Variants in KLHL29 observed in about 807,000 individuals in gnomAD.
The protein encoded by KLHL29 is kelch like family member 29.
Under a neutral mutation model 80.4 loss-of-function variants are expected in KLHL29, and 21 were observed. That is an observed-to-expected ratio of 0.26 (90% confidence interval 0.19 to 0.38). The LOEUF (loss-of-function observed/expected upper bound fraction) is 0.38. Among genes scored for constraint, KLHL29 ranks in the 10% least tolerant of loss-of-function variants. KLHL29 has a pLI of 1.00. For synonymous variants in KLHL29, 511 were observed against 526.8 expected, an observed-to-expected ratio of 0.97 and a Z score of 0.41; for missense variants, 867 against 1,223.9, an observed-to-expected ratio of 0.71 and a Z score of 4.35.
At chr2:23,620,799 G>A (rs1396124455) in intron 3 of KLHL29, among the ~76,000 whole-genome samples, 6 of 152,216 alleles carry the variant, frequency 3.9e-5, no homozygotes, top group East Asian at 1.9e-4. Flanking sequence ...TCCAGAACCC[G>A]GATAAACATC....
At chr2:23,693,990 C>G (rs774539803) in intron 8 of KLHL29, among the ~76,000 whole-genome samples, 1 of 152,162 alleles carries the variant, frequency 6.6e-6, no homozygotes, top group Non-Finnish European at 1.5e-5. Flanking sequence ...CCATTGAGCC[C>G]CAGAGAAAGG....
chr2:23,391,980 G>A (rs1397392324), intron 1 of KLHL29, among the ~76,000 whole-genome samples: 2 of 152,210 alleles, frequency 1.3e-5, no homozygotes, highest in Non-Finnish European at 2.9e-5. Flanking sequence ...TGTCCACGTT[G>A]AAGTCCCGTC....
At chr2:23,559,366 A>G (rs1156426407) in intron 2 of KLHL29, among the ~76,000 whole-genome samples, 1 of 152,192 alleles carries the variant, frequency 6.6e-6, no homozygotes. Flanking sequence ...TGTCATGATC[A>G]TATTTGCCCT....
chr2:23,535,282 G>A (rs1666626780), intron 2 of KLHL29, among the ~76,000 whole-genome samples: 3 of 152,168 alleles, frequency 2.0e-5, no homozygotes, highest in Admixed American at 2.0e-4. Context: ...TCCTGAGCTA[G>A]GACTCCACAC....
At chr2:23,599,105 A>G (rs979387633) in intron 3 of KLHL29, among the ~76,000 whole-genome samples, 14 of 152,236 alleles carry the variant, frequency 9.2e-5, no homozygotes, top group African/African-American at 3.4e-4. Context: ...GAAATAGAGA[A>G]TGGTAGGTTT....
chr2:23,585,518 G>A (rs1267389866), intron 3 of KLHL29, among the ~76,000 whole-genome samples: 3 of 152,186 alleles, frequency 2.0e-5, no homozygotes, highest in African/African-American at 7.2e-5. Context: ...CGAGAAGAGG[G>A]GAGGCTCAGA....
chr2:23,500,698 C>T (rs1211428793), intron 2 of KLHL29, among the ~76,000 whole-genome samples: 1 of 152,146 alleles, frequency 6.6e-6, no homozygotes, highest in Non-Finnish European at 1.5e-5. Context: ...TATAAAAAAA[C>T]TGGACTATTT....
intron 1 of KLHL29, among the ~76,000 whole-genome samples, chr2:23,407,670 C>G (rs1426727224): frequency 2.6e-5 from 4 of 151,910 alleles, no homozygotes; most frequent in Non-Finnish European, 4.4e-5. Context: ...GCTTAGAAAG[C>G]CCTTCCCCAT....
At position 23,693,398 on chromosome 2, in the gene KLHL29, A is replaced by G; in HGVS notation, c.1412A>G (p.Glu471Gly). 1 of 1,551,724 alleles carries G rather than the reference A, an allele frequency of 6.4e-7. No homozygotes were observed. The highest frequency in any genetic ancestry group is 8.7e-7 in the Non-Finnish European group (1 of 1,146,978). Reference sequence around the variant, plus strand: ...TTCCCCGAGGTGGCCGCCCAGGAGGAGATCCTCAGCATCTCCAAGGACGAC... The same window carrying G: ...TTCCCCGAGGTGGCCGCCCAGGAGGGGATCCTCAGCATCTCCAAGGACGAC... ...QIFPEVAAQE[E>G]ILSISKDDFI... The change falls in exon 8 of 14, where the codon GAG becomes GGG. Residue 471 changes from glutamate to glycine, a missense_variant. Coordinates refer to ENST00000486442, the MANE Select transcript of KLHL29 (RefSeq NM_052920.2).
chr2:23,515,293 C>T (rs1239012775), intron 2 of KLHL29, among the ~76,000 whole-genome samples: 1 of 152,166 alleles, frequency 6.6e-6, no homozygotes, highest in Non-Finnish European at 1.5e-5. Flanking sequence ...CTCTGACCCC[C>T]ACTCCCACAA....
intron 3 of KLHL29, among the ~76,000 whole-genome samples, chr2:23,636,081 A>T (rs1057106446): frequency 6.6e-6 from 1 of 152,286 alleles, no homozygotes; most frequent in East Asian, 1.9e-4. Flanking sequence ...GGCCCTGAAC[A>T]TGGTCCCCTA....
intron 5 of KLHL29, among the ~76,000 whole-genome samples, chr2:23,678,310 TG>T (rs1454821504): frequency 2.0e-4 from 31 of 152,258 alleles, no homozygotes; most frequent in African/African-American, 7.0e-4. Flanking sequence ...TTAGAACCAA[TG>T]GGGTTTGAGA....
chr2:23,596,471 C>T lies in KLHL29; in HGVS notation c.285+33990C>T, dbSNP rs1040566260. ...CTCACGTTGGAGCAGAACAGAGTCA[C>T]TAGGAGGCTCGCTGTGATTTATCAG... On this transcript the variant is annotated intron_variant, in intron 3 of 13. Transcript: ENST00000486442. This position sits in a 1 kb window ranked among gnomAD's most constrained non-coding sequence, Gnocchi z 4.4. Among the ~76,000 whole-genome samples, 1 of 152,168 alleles carries T rather than the reference C, an allele frequency of 6.6e-6. No individual in the cohort carries two copies. The highest frequency in any genetic ancestry group is 1.5e-5 in the Non-Finnish European group (1 of 68,030).
intron 3 of KLHL29, chr2:23,617,058 C>T (rs1210316161): frequency 6.6e-6 from 1 of 152,164 alleles, no homozygotes; most frequent in Non-Finnish European, 1.5e-5. Context: ...TTTTATTTAC[C>T]AAAGGTAAAT....
chr2:23,671,140 G>C (rs143769337), intron 5 of KLHL29, among the ~76,000 whole-genome samples: 2 of 151,366 alleles, frequency 1.3e-5, no homozygotes, highest in Admixed American at 1.3e-4. Context: ...CTTTACCTAG[G>C]TAACTAAACT....
intron 3 of KLHL29, among the ~76,000 whole-genome samples, chr2:23,570,607 G>C (rs561305501): frequency 1.6e-4 from 24 of 152,268 alleles, no homozygotes; most frequent in Admixed American, 1.4e-3. Flanking sequence ...GCTCTTGCCC[G>C]GCCCAGTTGG....
At chr2:23,456,384 T>TAG (rs1664051137) in intron 1 of KLHL29, among the ~76,000 whole-genome samples, 1 of 152,242 alleles carries the variant, frequency 6.6e-6, no homozygotes, top group South Asian at 2.1e-4. Context: ...TGAGTGCTTG[T>TAG]AGAGCTGTGC....
intron 2 of KLHL29, among the ~76,000 whole-genome samples, chr2:23,479,126 G>A (rs1664717623): frequency 1.3e-5 from 2 of 151,390 alleles, no homozygotes; most frequent in African/African-American, 2.4e-5. Context: ...ACACTCTGCT[G>A]CCCCCTTGTC....
rs948034567 is a variant in KLHL29, at chr2:23,684,980, C to G, written c.1079+443C>G. ...TCGGTGGTGACTAATGCCAGGAAAGCGCATCGGCCAGGCTGTCCCTGCTGA... is the reference window on the plus strand; with the variant it reads ...TCGGTGGTGACTAATGCCAGGAAAGGGCATCGGCCAGGCTGTCCCTGCTGA... On this transcript the variant is annotated intron_variant, in intron 6 of 13. Transcript: ENST00000486442. The surrounding 1 kb of genome is among the most constrained non-coding windows in gnomAD (Gnocchi z 4.4). 6.6e-6 allele frequency among the ~76,000 whole-genome samples: 1 copy of G among 152,208 alleles called. No homozygotes were observed. The highest frequency in any genetic ancestry group is 2.4e-5 in the African/African-American group (1 of 41,450).
Sources: allele counts gnomAD v4.1 joint callset (sites outside exome capture counted in the v4.1 genomes callset), GRCh38; gene constraint gnomAD v4.1.1; non-coding constraint Gnocchi (gnomAD v3.1); transcripts MANE v1.5; gene names NCBI Gene and HGNC (gene_info 2026-07-23, HGNC 2026-07-21).